Variants in LIFR observed in about 807,000 individuals in gnomAD.
The protein encoded by LIFR is LIF receptor subunit alpha.
Under a neutral mutation model 122.2 loss-of-function variants are expected in LIFR, and 84 were observed. The ratio of observed to expected loss-of-function variants is 0.69; its 90% CI spans 0.58 to 0.82. The LOEUF (loss-of-function observed/expected upper bound fraction) is 0.82, where lower values mean the gene tolerates loss of function less well. Among genes scored for constraint, LIFR ranks in the 40% least tolerant of loss-of-function variants. LIFR has a pLI of 0.00. For synonymous variants in LIFR, 422 were observed against 434.7 expected (o/e 0.97, Z 0.36); for missense variants, 1,294 against 1,311.6 (o/e 0.99, Z 0.21).
chr5:38,596,020 G>A (rs956286225), upstream of LIFR, among the ~76,000 whole-genome samples: 60 of 152,200 alleles, frequency 3.9e-4, no homozygotes, highest in African/African-American at 1.0e-3. Context: ...ACAGGCGTGA[G>A]CCACCGCGCC....
chr5:38,532,106 CTAAAA>C (rs1309877505), intron 1 of LIFR, among the ~76,000 whole-genome samples: 1 of 152,176 alleles, frequency 6.6e-6, no homozygotes, highest in African/African-American at 2.4e-5. Context: ...CAAACTCTGA[CTAAAA>C]TAATCATAAA....
chr5:38,560,130 C>T (rs1748777035), upstream of LIFR, among the ~76,000 whole-genome samples: 1 of 151,052 alleles, frequency 6.6e-6, no homozygotes, highest in South Asian at 2.1e-4. Flanking sequence ...TATCAGTCAG[C>T]AGGAGAAGAT....
At chr5:38,549,727 C>T (rs1054664416) in intron 1 of LIFR, among the ~76,000 whole-genome samples, 1 of 152,206 alleles carries the variant, frequency 6.6e-6, no homozygotes, top group Non-Finnish European at 1.5e-5. Context: ...GGAGGCGGAG[C>T]TTGCAGTGAG....
Position 38,476,436 on chromosome 5 carries a change from G to A in LIFR, c.*5159C>T. 1 of 208,470 alleles carries A rather than the reference G, an allele frequency of 4.8e-6. No individual in the cohort carries two copies. 12.9% of individuals were successfully genotyped at this position (208,470 alleles called of 1,614,324 possible). A position where few individuals can be genotyped will look rare whatever the true frequency, so the allele number is the denominator to read the frequency against. Reference sequence around the variant, plus strand: ...CGGAAGTACACTTTAAATGTATAAGGAAATTCAACAACTTAAGTGAGCCAT... The same window carrying A: ...CGGAAGTACACTTTAAATGTATAAGAAAATTCAACAACTTAAGTGAGCCAT... On this transcript the variant is annotated 3_prime_UTR_variant, in exon 20 of 20. Coordinates refer to ENST00000453190, the MANE Select transcript of LIFR (RefSeq NM_001127671.2).
At position 38,504,924 on chromosome 5, in the gene LIFR, G is replaced by T. The variant is rs1580058623; in HGVS notation, c.1292-803C>A. ...TGAGACTGTATGAGACATGCCTTCG[G>T]TTTAGGCCCTTTCTCCCCTGCCTGA... On this transcript the variant is annotated intron_variant, in intron 9 of 19. Transcript: ENST00000453190. 2.0e-5 allele frequency among the ~76,000 whole-genome samples: 3 copies of T among 152,116 alleles called. 1 individual carries two copies. The East Asian group carries it at 5.8e-4, about 29-fold the overall frequency.
At chr5:38,497,614 T>C (rs1744951822) in intron 12 of LIFR, among the ~76,000 whole-genome samples, 2 of 151,876 alleles carry the variant, frequency 1.3e-5, no homozygotes, top group Admixed American at 6.6e-5. Flanking sequence ...TTGGAAAATA[T>C]ATAGAAGTTG....
At chr5:38,591,107 T>C (rs758010807) in intron 1 of LIFR, among the ~76,000 whole-genome samples, 1 of 152,246 alleles carries the variant, frequency 6.6e-6, no homozygotes, top group African/African-American at 2.4e-5. Context: ...TAGTTTCATT[T>C]AATCTTCACA....
Position 38,493,692 on chromosome 5 carries a change from T to A in LIFR, c.1979A>T (p.Lys660Met), listed in dbSNP as rs369450012. 6.2e-7 allele frequency: 1 copy of A among 1,614,206 alleles called. No individual in the cohort carries two copies. The highest frequency in any genetic ancestry group is 8.5e-7 in the Non-Finnish European group (1 of 1,180,024). The stretch of plus-strand genomic sequence containing the variant: ...TTCCGACCGAGACGAGTTACACCAC[T>A]TAATGACGTAGTCGCAAGTCATGTT... ...DPNMTCDYVIKWCNSSRSEPC... is the reference protein window; with the variant it reads ...DPNMTCDYVIMWCNSSRSEPC... Residue 660 changes from lysine to methionine, a missense_variant, in exon 14 of 20, where the codon AAG (lysine) becomes ATG (methionine). By Grantham distance (95) the Lys-to-Met change is moderately conservative. Coordinates refer to ENST00000453190, the MANE Select transcript of LIFR (RefSeq NM_001127671.2).
At chr5:38,486,041 C>T (rs1744271151) in intron 16 of LIFR, 61 bp from the exon 17 acceptor site, 2 of 1,473,234 alleles carry the variant, frequency 1.4e-6, no homozygotes, top group Non-Finnish European at 1.9e-6. Context: ...GCATGGTTAC[C>T]CACACCTGTC....
At chr5:38,517,856 CAAAAAAAAAAAA>C (rs572954936) in intron 5 of LIFR, among the ~76,000 whole-genome samples, 2 of 15,048 alleles carry the variant, frequency 1.3e-4, no homozygotes, top group Non-Finnish European at 2.0e-4. Context: ...GACACTGTCT[CAAAAAAAAAAAA>C]AAAAAAAAAA....
chr5:38,499,807 G>T, intron 11 of LIFR, among the ~76,000 whole-genome samples: 1 of 152,096 alleles, frequency 6.6e-6, no homozygotes, highest in Admixed American at 6.5e-5. Flanking sequence ...CAGCTGTACT[G>T]ATTCCCTGGG....
intron 5 of LIFR, among the ~76,000 whole-genome samples, chr5:38,514,663 C>T (rs1745980967): frequency 6.6e-6 from 1 of 152,212 alleles, no homozygotes; most frequent in African/African-American, 2.4e-5. Context: ...TAACTACTGA[C>T]AGTTGGCTCC....
chr5:38,570,208 G>T (rs368406220), intron 1 of LIFR, among the ~76,000 whole-genome samples: 3 of 152,060 alleles, frequency 2.0e-5, no homozygotes, highest in African/African-American at 4.8e-5. Context: ...AAATGAATTT[G>T]TCTAAGTAGA....
chr5:38,587,421 T>C (rs1458684102), intron 1 of LIFR, among the ~76,000 whole-genome samples: 1 of 150,780 alleles, frequency 6.6e-6, no homozygotes, highest in African/African-American at 2.4e-5. Context: ...TGAGACAAGA[T>C]GCTGTTGGAC....
intron 16 of LIFR, 55 bp downstream of exon 16, chr5:38,489,023 G>T (rs1479415852): frequency 1.4e-6 from 2 of 1,451,596 alleles, no homozygotes. Context: ...TTTTTCTGTT[G>T]TGGTTAATGA....
chr5:38,586,191 C>G (rs1749742037), intron 1 of LIFR, among the ~76,000 whole-genome samples: 1 of 152,076 alleles, frequency 6.6e-6, no homozygotes, highest in African/African-American at 2.4e-5. Context: ...ATGAAAAGCC[C>G]CCATTTTAAA....
upstream of LIFR, among the ~76,000 whole-genome samples, chr5:38,596,953 A>T (rs1750114325): frequency 6.6e-6 from 1 of 152,202 alleles, no homozygotes; most frequent in East Asian, 1.9e-4. Context: ...ACCTGAAAAT[A>T]TTCTGAAATT....
intron 11 of LIFR, among the ~76,000 whole-genome samples, chr5:38,500,420 T>C (rs1318452742): frequency 6.6e-6 from 1 of 152,200 alleles, no homozygotes; most frequent in African/African-American, 2.4e-5. Context: ...TCTTGGAGGA[T>C]GGGATCCAAG....
chr5:38,598,252 T>C (rs867674106), upstream of LIFR, among the ~76,000 whole-genome samples: 1 of 54,776 alleles, frequency 1.8e-5, no homozygotes, highest in African/African-American at 1.1e-4. Context: ...TTTATTTTTT[T>C]TTTTTTTCTT....
Sources: gnomAD v4.1 joint callset for allele counts (sites outside exome capture counted in the v4.1 genomes callset) on GRCh38, gnomAD v4.1.1 for gene constraint, MANE v1.5 for transcripts, NCBI Gene and HGNC (gene_info 2026-07-23, HGNC 2026-07-21) for gene names.